The following RBL1 variants were observed in gnomAD, a reference collection of about 807,000 sequenced individuals.
RBL1 encodes retinoblastoma-like protein 1.
Under a neutral mutation model 123.0 loss-of-function variants are expected in RBL1, and 82 were observed. The ratio of observed to expected loss-of-function variants is 0.67; its 90% CI spans 0.56 to 0.80. RBL1 has a LOEUF of 0.80. RBL1 is among the 30% of genes least tolerant of loss of function. The pLI is 0.00. For missense variants in RBL1, 1,171 were observed against 1,299.6 expected (o/e 0.90, Z 1.52); for synonymous variants, 405 against 441.3 (o/e 0.92, Z 1.03).
chr20:37,066,289 A>C (rs2065174941), intron 6 of RBL1, among the ~76,000 whole-genome samples: 1 of 152,208 alleles, frequency 6.6e-6, no homozygotes, highest in African/African-American at 2.4e-5. Context: ...CTACAAAACT[A>C]TCATGGATTT....
chr20:37,088,910 C>A, intron 2 of RBL1, 79 bp downstream of exon 2: 1 of 976,396 alleles, frequency 1.0e-6, no homozygotes, highest in South Asian at 3.3e-5. Flanking sequence ...TAAATGAAGT[C>A]AAATGATCTC....
At chr20:37,010,552 A>C (rs557381603) in intron 19 of RBL1, among the ~76,000 whole-genome samples, 17 of 152,332 alleles carry the variant, frequency 1.1e-4, no homozygotes, top group Admixed American at 3.9e-4. Context: ...TGGATGGTAT[A>C]GTATATTGCT....
Position 36,998,533 on chromosome 20 carries a change from G to T in RBL1, c.*226C>A. ...GCCACAGCGCCTGGCCGGACTATTA[G>T]TATTTTTAAAAGGCACTTAAAATAT... On this transcript the variant is annotated 3_prime_UTR_variant, in exon 22 of 22. Transcript: ENST00000373664. 1 of 457,950 alleles carries T rather than the reference G, an allele frequency of 2.2e-6. No homozygotes were observed. The allele number at this position is 457,950 out of a possible 1,614,324, so 28.4% of individuals were successfully genotyped here. A position where few individuals can be genotyped will look rare whatever the true frequency, so the allele number is the denominator to read the frequency against.
intron 16 of RBL1, among the ~76,000 whole-genome samples, chr20:37,023,960 A>G (rs1359529381): frequency 6.8e-6 from 1 of 147,318 alleles, no homozygotes; most frequent in African/African-American, 2.5e-5. Flanking sequence ...TTTTTTTTGT[A>G]TTTGAGTAGA....
intron 2 of RBL1, among the ~76,000 whole-genome samples, chr20:37,086,478 C>G (rs1221098109): frequency 6.6e-6 from 1 of 151,950 alleles, no homozygotes; most frequent in Non-Finnish European, 1.5e-5. Context: ...ATCCCAGCTA[C>G]TGGGGAGGCT....
chr20:37,087,580 T>A (rs6103558), intron 2 of RBL1, among the ~76,000 whole-genome samples: 2,464 of 152,170 alleles, frequency 0.016, 64 homozygotes, highest in African/African-American at 0.055. Context: ...ACAGCAAGAC[T>A]CGGCCTCTAA....
rs567062494 is a variant in RBL1 at position 36,996,847 on chromosome 20, C to G, written c.*1912G>C. 6.6e-6 allele frequency: 1 copy of G among 152,284 alleles called. No homozygotes were observed. The highest frequency in any genetic ancestry group is 1.5e-5 in the Non-Finnish European group (1 of 68,020). 9.4% of individuals were successfully genotyped at this position (152,284 alleles called of 1,614,324 possible). A position where few individuals can be genotyped will look rare whatever the true frequency, so the allele number is the denominator to read the frequency against. Reference sequence around the variant, plus strand: ...TACAAATATGTACAAAGATTCCAGACAGACTTTGTTTTTTGGCTTATAACA... The same window carrying G: ...TACAAATATGTACAAAGATTCCAGAGAGACTTTGTTTTTTGGCTTATAACA... On this transcript the variant is annotated 3_prime_UTR_variant, in exon 22 of 22. Transcript: ENST00000373664.
intron 14 of RBL1, among the ~76,000 whole-genome samples, chr20:37,039,414 G>A (rs955681469): frequency 3.9e-5 from 6 of 152,142 alleles, no homozygotes; most frequent in Admixed American, 2.0e-4. Flanking sequence ...TAATTCCCAC[G>A]TGTCATGGGA....
chr20:37,022,292 A>G (rs761232402), intron 17 of RBL1, among the ~76,000 whole-genome samples: 15 of 152,216 alleles, frequency 9.9e-5, no homozygotes, highest in Non-Finnish European at 2.1e-4. Context: ...AGGCAGCACA[A>G]TAAATCACGA....
intron 2 of RBL1, among the ~76,000 whole-genome samples, chr20:37,083,849 A>C (rs559197947): frequency 2.0e-5 from 3 of 151,960 alleles, no homozygotes; most frequent in Admixed American, 2.0e-4. Flanking sequence ...GAGAATATCA[A>C]TCTACATTTT....
chr20:37,006,287 G>A (rs866346014), intron 20 of RBL1, among the ~76,000 whole-genome samples: 17 of 150,352 alleles, frequency 1.1e-4, no homozygotes, highest in South Asian at 2.1e-4. Flanking sequence ...TGCAACCTCC[G>A]CTTTCTGGGT....
chr20:37,024,980 T>C (rs972611348), intron 16 of RBL1, among the ~76,000 whole-genome samples: 2 of 152,202 alleles, frequency 1.3e-5, no homozygotes, highest in Non-Finnish European at 2.9e-5. Context: ...ATTTTGTTTA[T>C]ACTTCTGAAG....
At chr20:37,017,722 C>T (rs992679976) in intron 19 of RBL1, among the ~76,000 whole-genome samples, 6 of 151,834 alleles carry the variant, frequency 4.0e-5, no homozygotes, top group Non-Finnish European at 7.4e-5. Flanking sequence ...CCTCCGCCTC[C>T]TGGTTTCAAG....
chr20:37,073,798 T>C (rs1160834452), intron 2 of RBL1, among the ~76,000 whole-genome samples: 1 of 150,424 alleles, frequency 6.6e-6, no homozygotes, highest in Non-Finnish European at 1.5e-5. Context: ...GTGGGAGGAC[T>C]GCTTGAGCTG....
intron 2 of RBL1, among the ~76,000 whole-genome samples, chr20:37,082,572 A>G (rs2065470057): frequency 6.6e-6 from 1 of 152,168 alleles, no homozygotes. Context: ...CCACACATCA[A>G]AAATAATTGG....
In RBL1 at chr20:37,062,097, T is replaced by C. The variant is rs189913848; in HGVS notation, c.1070A>G (p.Gln357Arg). ...AQANVEYNLQ[Q>R]HFEKKRSFAP... ...AGGTTATATTACTTTTTCAAAGTGCTGTTGAAGGTTATACTCCACATTAGC... is the reference window on the plus strand; with the variant it reads ...AGGTTATATTACTTTTTCAAAGTGCCGTTGAAGGTTATACTCCACATTAGC... Residue 357 changes from glutamine (Q) to arginine (R), a missense_variant, in exon 8 of 22, where the codon CAG becomes CGG. Gln to Arg is a conservative substitution (Grantham distance 43, BLOSUM62 1). Transcript: ENST00000373664. 33 of 1,612,858 alleles carry C rather than the reference T, an allele frequency of 2.0e-5. No homozygotes were observed. In the East Asian group the frequency reaches 6.7e-4, roughly 33 times the overall value.
chr20:37,074,415 G>GA (rs751317386), intron 2 of RBL1, among the ~76,000 whole-genome samples: 4,081 of 62,200 alleles, frequency 0.066, 225 homozygotes, highest in African/African-American at 0.18. Flanking sequence ...CCCTGTCTCA[G>GA]AAAAAAAAAA....
intron 21 of RBL1, among the ~76,000 whole-genome samples, chr20:37,002,665 A>G (rs938343214): frequency 3.3e-5 from 5 of 150,056 alleles, no homozygotes; most frequent in East Asian, 4.0e-4. Flanking sequence ...AGCCCTCCCA[A>G]TGATTTTAAA....
Position 37,021,388 on chromosome 20 carries a change from TAACA to T in RBL1, c.2560-662_2560-659del, listed in dbSNP as rs1325858271. Among the ~76,000 whole-genome samples, 9 of 152,178 alleles carry T rather than the reference TAACA, an allele frequency of 5.9e-5. 1 individual carries two copies. Among genetic ancestry groups the T allele is most frequent in the Admixed American group, 3.9e-4 (6 of 15,264 alleles). Reference sequence around the variant, plus strand: ...GCTAGAAATGGCAAAGCCTGAACTCTAACAGTCTTCTGGAAAACACACGATTAGT... The same window carrying T: ...GCTAGAAATGGCAAAGCCTGAACTCTGTCTTCTGGAAAACACACGATTAGT... On this transcript the variant is annotated intron_variant, in intron 17 of 21. Transcript: ENST00000373664.
Sources: allele counts gnomAD v4.1 joint callset (sites outside exome capture counted in the v4.1 genomes callset), GRCh38; gene constraint gnomAD v4.1.1; transcripts MANE v1.5; gene names NCBI Gene and HGNC (gene_info 2026-07-23, HGNC 2026-07-21).